CCSER1: variants seen among roughly 807,000 people sequenced by gnomAD.
CCSER1 encodes coiled-coil serine rich protein 1, also known as serine-rich coiled-coil domain-containing protein 1.
A neutral mutation model predicts 82.0 loss-of-function variants in CCSER1; 41 were observed. The ratio of observed to expected loss-of-function variants is 0.50; its 90% confidence interval spans 0.39 to 0.65. CCSER1 has a LOEUF of 0.65. Ranked by LOEUF, CCSER1 falls within the 30% of genes least tolerant of loss-of-function variation. The pLI, the probability that CCSER1 is intolerant of heterozygous loss-of-function variation, is 0.00. For synonymous variants in CCSER1, 414 were observed against 383.9 expected (o/e 1.08, Z -0.92); for missense variants, 1,119 against 1,064.2 (o/e 1.05, Z -0.72).
intron 1 of CCSER1, chr4:90,235,044 C>T (rs1745513368): frequency 6.6e-6 from 1 of 151,924 alleles, no homozygotes; most frequent in Admixed American, 6.6e-5. Flanking sequence ...ACCATCGAGA[C>T]CGGGGCTGTG....
chr4:91,477,008 G>A (rs1463974348), intron 10 of CCSER1, among the ~76,000 whole-genome samples: 3 of 151,560 alleles, frequency 2.0e-5, no homozygotes, highest in Admixed American at 2.0e-4. Context: ...GTCTAGGCAA[G>A]GTCTTACTTT....
intron 4 of CCSER1, among the ~76,000 whole-genome samples, chr4:90,413,998 A>ATG (rs1284943841): frequency 1.5e-5 from 2 of 131,244 alleles, no homozygotes; most frequent in East Asian, 4.6e-4. Flanking sequence ...ATATATATAT[A>ATG]TATATATATA....
intron 10 of CCSER1, among the ~76,000 whole-genome samples, chr4:91,495,297 A>G (rs759953140): frequency 6.6e-6 from 1 of 151,620 alleles, no homozygotes; most frequent in Non-Finnish European, 1.5e-5. Context: ...TTGTTGAGGT[A>G]TATAAATACT....
intron 10 of CCSER1, among the ~76,000 whole-genome samples, chr4:91,426,440 C>A (rs34987871): frequency 0.12 from 17,899 of 151,878 alleles, 1,244 homozygotes; most frequent in African/African-American, 0.18. Context: ...ATTTCTAGTT[C>A]TAGATCCTTG....
chr4:90,670,884 A>G (rs1416630020), intron 6 of CCSER1, among the ~76,000 whole-genome samples: 2 of 152,024 alleles, frequency 1.3e-5, no homozygotes, highest in East Asian at 3.9e-4. Flanking sequence ...ATACAGTCAT[A>G]CCTTAGAGAT....
chr4:91,216,483 C>A (rs921420098), intron 10 of CCSER1, among the ~76,000 whole-genome samples: 3 of 152,082 alleles, frequency 2.0e-5, no homozygotes, highest in African/African-American at 7.2e-5. Flanking sequence ...CCACACCCGG[C>A]TAATTTTTTT....
chr4:90,568,759 CTT>C (rs111904355), intron 5 of CCSER1, among the ~76,000 whole-genome samples: 13 of 134,462 alleles, frequency 9.7e-5, no homozygotes, highest in African/African-American at 1.6e-4. Context: ...TCCTCTCTTG[CTT>C]TTTTTTTTTT....
rs1387870823 is a variant in CCSER1 at position 90,681,650 on chromosome 4, GA to G, written c.1933-42262del. 2.8e-4 allele frequency among the ~76,000 whole-genome samples: 2 copies of G among 7,142 alleles called. 1 individual carries two copies. The highest frequency in any genetic ancestry group is 6.0e-4 in the Non-Finnish European group (2 of 3,346). 4.7% of individuals were successfully genotyped at this position (7,142 alleles called of 152,430 possible). On this transcript the variant is annotated intron_variant, in intron 6 of 10. Transcript: ENST00000509176. ...ACTGTCTGGCACTCCCTAGTGAGAT[GA>G]ACCCGGTACCTCAGATGGAAATGCA...
At chr4:91,333,705 TA>T in intron 10 of CCSER1, among the ~76,000 whole-genome samples, 1 of 152,068 alleles carries the variant, frequency 6.6e-6, no homozygotes, top group Non-Finnish European at 1.5e-5. Context: ...TTTTCATAAT[TA>T]AAAAATACAG....
chr4:91,015,729 A>C (rs548322963), intron 9 of CCSER1, among the ~76,000 whole-genome samples: 1 of 152,124 alleles, frequency 6.6e-6, no homozygotes, highest in African/African-American at 2.4e-5. Flanking sequence ...AAAAAATATT[A>C]ATCCTTAATT....
intron 10 of CCSER1, among the ~76,000 whole-genome samples, chr4:91,189,115 G>A (rs376780332): frequency 1.3e-5 from 2 of 152,088 alleles, no homozygotes; most frequent in East Asian, 1.9e-4. Flanking sequence ...AAATGTTAAT[G>A]GATTTTTTTT....
rs556584691 is a variant in CCSER1 at position 90,565,415 on chromosome 4, A to C, written c.1725-62610A>C. ...TTAATAGTTCTAACCATATTGAGTAATGTCTTTAGAGTTTTCTACATATAT... is the reference window on the plus strand; with the variant it reads ...TTAATAGTTCTAACCATATTGAGTACTGTCTTTAGAGTTTTCTACATATAT... On this transcript the variant is annotated intron_variant, in intron 5 of 10. Transcript: ENST00000509176. Among the ~76,000 whole-genome samples, 245 of 152,276 alleles carry C rather than the reference A, an allele frequency of 1.6e-3. 1 individual carries two copies. Among genetic ancestry groups the C allele is most frequent in the Admixed American group, 3.3e-3 (50 of 15,296 alleles).
chr4:90,584,868 A>G (rs1211644951), intron 5 of CCSER1, among the ~76,000 whole-genome samples: 1 of 152,164 alleles, frequency 6.6e-6, no homozygotes, highest in African/African-American at 2.4e-5. Context: ...AAAAAAGCAC[A>G]ATGATTTAAT....
At chr4:91,452,101 C>T (rs1160642037) in intron 10 of CCSER1, among the ~76,000 whole-genome samples, 1 of 151,942 alleles carries the variant, frequency 6.6e-6, no homozygotes, top group Non-Finnish European at 1.5e-5. Flanking sequence ...ATGTTTTCAA[C>T]AAATCCTGGA....
At chr4:90,493,262 T>C (rs1470115572) in intron 5 of CCSER1, among the ~76,000 whole-genome samples, 1 of 152,136 alleles carries the variant, frequency 6.6e-6, no homozygotes, top group African/African-American at 2.4e-5. Flanking sequence ...TATGGAACTA[T>C]GTGAAAAGAC....
intron 1 of CCSER1, among the ~76,000 whole-genome samples, chr4:90,155,194 G>A (rs867843420): frequency 0.024 from 3,644 of 152,190 alleles, 135 homozygotes; most frequent in African/African-American, 0.081. Context: ...ATTGATTTGC[G>A]TATATTGAAC....
Position 91,436,953 on chromosome 4 carries a change from C to G in CCSER1, c.2218-161619C>G, listed in dbSNP as rs528343763. ...TTGGTGCCTAGGGACTTCCTACTTT[C>G]ATGTGTTACCTGTCTTCCTGGCAAT... is the stretch of plus-strand genomic sequence containing the variant. On this transcript the variant is annotated intron_variant, in intron 10 of 10. Transcript: ENST00000509176. Among the ~76,000 whole-genome samples the G allele has an allele frequency of 2.6e-5, 4 of 152,316 alleles. No homozygotes were observed. The East Asian group carries it at 5.8e-4, about 22-fold the overall frequency.
intron 1 of CCSER1, among the ~76,000 whole-genome samples, chr4:90,279,369 A>G (rs1415686874): frequency 6.6e-6 from 1 of 152,048 alleles, no homozygotes; most frequent in African/African-American, 2.4e-5. Flanking sequence ...CCAATCCACT[A>G]TATGGATGTG....
intron 9 of CCSER1, among the ~76,000 whole-genome samples, chr4:90,976,259 G>A (rs1288458420): frequency 1.3e-5 from 2 of 151,036 alleles, no homozygotes; most frequent in Non-Finnish European, 3.0e-5. Flanking sequence ...AATAAGAAAA[G>A]GGAATGATTG....
Sources: gnomAD v4.1 joint callset for allele counts (sites outside exome capture counted in the v4.1 genomes callset) on GRCh38, gnomAD v4.1.1 for gene constraint, MANE v1.5 for transcripts, NCBI Gene and HGNC (gene_info 2026-07-23, HGNC 2026-07-21) for gene names.